DSC1: variants seen among roughly 807,000 people sequenced by gnomAD.
DSC1 encodes the protein desmocollin-1.
DSC1 carries 79 observed loss-of-function variants against 98.8 expected under a neutral mutation model. The observed-to-expected ratio is 0.80, with a 90% confidence interval of 0.67 to 0.96. DSC1 has a LOEUF of 0.96. Among genes scored for constraint, DSC1 ranks in the 50% least tolerant of loss-of-function variants. The pLI is 0.00. For synonymous variants in DSC1, 405 were observed against 372.1 expected (o/e 1.09, Z -1.02); for missense variants, 1,115 against 1,075.9 (o/e 1.04, Z -0.51).
chr18:31,130,847 A>ATG (rs770236619), intron 15 of DSC1, 136 bp from the exon 16 acceptor site: 1 of 1,607,822 alleles, frequency 6.2e-7, no homozygotes, highest in Non-Finnish European at 8.5e-7. Flanking sequence ...TCCTATATAT[A>ATG]AAAAATGCAC....
intron 3 of DSC1, 56 bp downstream of exon 3, chr18:31,157,315 G>A (rs1006077909): frequency 8.4e-6 from 13 of 1,541,856 alleles, no homozygotes; most frequent in Non-Finnish European, 1.2e-5. Context: ...CATGAAACAC[G>A]AAGGACTCCC....
chr18:31,134,897 C>T (rs879817740), intron 11 of DSC1, 113 bp from the exon 12 acceptor site: 59 of 944,274 alleles, frequency 6.2e-5, no homozygotes, highest in African/African-American at 2.0e-4. Context: ...AGCTTGAGTT[C>T]GCATACATGC....
At chr18:31,139,618 A>G in intron 11 of DSC1, 130 bp downstream of exon 11, 4 of 990,564 alleles carry the variant, frequency 4.0e-6, no homozygotes, top group Non-Finnish European at 5.6e-6. Flanking sequence ...GTGATATCCA[A>G]TAACATGAAC....
At chr18:31,138,804 C>T (rs1192588221) in intron 11 of DSC1, among the ~76,000 whole-genome samples, 1 of 151,522 alleles carries the variant, frequency 6.6e-6, no homozygotes, top group Non-Finnish European at 1.5e-5. Flanking sequence ...GAACATCCAG[C>T]ATATGCATGT....
At chr18:31,138,168 A>G (rs1988652613) in intron 11 of DSC1, among the ~76,000 whole-genome samples, 1 of 152,124 alleles carries the variant, frequency 6.6e-6, no homozygotes, top group Non-Finnish European at 1.5e-5. Context: ...TCTACACTAC[A>G]TTCACTGTGC....
At chr18:31,138,784 A>C (rs1988667152) in intron 11 of DSC1, among the ~76,000 whole-genome samples, 1 of 151,870 alleles carries the variant, frequency 6.6e-6, no homozygotes, top group African/African-American at 2.4e-5. Flanking sequence ...TGTATCAGCT[A>C]GTTTGTTTTG....
chr18:31,147,155 T>A (rs1199026343), intron 6 of DSC1, among the ~76,000 whole-genome samples: 1 of 151,760 alleles, frequency 6.6e-6, no homozygotes, highest in Non-Finnish European at 1.5e-5. Flanking sequence ...TCAGTTTAAT[T>A]TTTTTTTTCA....
At position 31,136,594 on chromosome 18, in the gene DSC1, A is replaced by G. The variant is rs956172684; in HGVS notation, c.1664-1810T>C. On this transcript the variant is annotated intron_variant, in intron 11 of 15. Transcript: ENST00000257198. Reference sequence around the variant, plus strand: ...GAAGGTCTTAGAACAGGGGTGTCCAATCTTTTGGCTTCCCTGGGCCACACT... The same window carrying G: ...GAAGGTCTTAGAACAGGGGTGTCCAGTCTTTTGGCTTCCCTGGGCCACACT... 1.6e-4 allele frequency among the ~76,000 whole-genome samples: 24 copies of G among 152,226 alleles called. 1 individual carries two copies. The highest frequency in any genetic ancestry group is 6.5e-4 in the Admixed American group (10 of 15,270).
Position 31,140,301 on chromosome 18 carries a change from G to T in DSC1, c.1261C>A (p.Pro421Thr), listed in dbSNP as rs1988707103. Residue 421 changes from proline (P) to threonine (T), a missense_variant and splice_region_variant, in exon 10 of 16, where the codon CCA becomes ACA. By Grantham distance (38) the Pro-to-Thr change is conservative (BLOSUM62 -1). Transcript: ENST00000257198. ...TNEGVLCVVKPLNYEVNRQVI... is the reference protein window; with the variant it reads ...TNEGVLCVVKTLNYEVNRQVI... Reference sequence around the variant, plus strand: ...TGGCGATTGACTTCATAGTTCAATGGCTGTTAAATAAGCATACTTTAATAA... The same window carrying T: ...TGGCGATTGACTTCATAGTTCAATGTCTGTTAAATAAGCATACTTTAATAA... 2 of 1,613,472 alleles carry T rather than the reference G, an allele frequency of 1.2e-6. No homozygotes were observed. Among genetic ancestry groups the T allele is most frequent in the African/African-American group, 1.3e-5 (1 of 74,908 alleles).
At chr18:31,160,597 A>G (rs1447825494) in intron 1 of DSC1, among the ~76,000 whole-genome samples, 1 of 152,222 alleles carries the variant, frequency 6.6e-6, no homozygotes, top group Non-Finnish European at 1.5e-5. Context: ...TCTGGAATTA[A>G]AAGGCCACAT....
chr18:31,140,441 C>T, intron 9 of DSC1, 140 bp from the exon 10 acceptor site: 3 of 841,312 alleles, frequency 3.6e-6, no homozygotes, highest in Non-Finnish European at 5.0e-6. Context: ...TAAAGACCAA[C>T]AATTAGCTTC....
intron 9 of DSC1, among the ~76,000 whole-genome samples, chr18:31,141,620 G>A (rs1443660623): frequency 6.6e-6 from 1 of 152,126 alleles, no homozygotes. Context: ...CTATGAACAT[G>A]AAAGGAGTTG....
intron 2 of DSC1, among the ~76,000 whole-genome samples, chr18:31,158,858 C>T (rs190056513): frequency 1.1e-3 from 169 of 151,970 alleles, no homozygotes; most frequent in African/African-American, 3.8e-3. Context: ...AGAATATGCT[C>T]CTGGTTTTGG....
intron 5 of DSC1, among the ~76,000 whole-genome samples, chr18:31,150,449 C>T (rs1988976526): frequency 2.1e-5 from 3 of 139,814 alleles, no homozygotes; most frequent in African/African-American, 2.6e-5. Context: ...ACCACCACTA[C>T]CACCACCACC....
intron 15 of DSC1, 93 bp from the exon 16 acceptor site, chr18:31,130,804 T>C: frequency 6.2e-7 from 1 of 1,612,696 alleles, no homozygotes; most frequent in Non-Finnish European, 8.5e-7. Context: ...TTTTACTGTT[T>C]AATTTTTAAT....
chr18:31,130,508 G>A lies in DSC1; in HGVS notation c.*6C>T. ...TCTGTGGATATTACACTATTAAAAG[G>A]CACATTTATTTCTTGATGCATGTCT... On this transcript the variant is annotated 3_prime_UTR_variant, in exon 16 of 16. Coordinates refer to ENST00000257198, the MANE Select transcript of DSC1 (RefSeq NM_024421.2). The A allele has an allele frequency of 6.2e-7, 1 of 1,613,844 alleles. No individual in the cohort carries two copies. The highest frequency in any genetic ancestry group is 8.5e-7 in the Non-Finnish European group (1 of 1,179,858).
intron 7 of DSC1, 145 bp from the exon 8 acceptor site, chr18:31,143,936 G>T (rs1598620379): frequency 1.8e-6 from 1 of 571,088 alleles, no homozygotes. Flanking sequence ...ATTTGAGATG[G>T]GGTCTCACTG....
chr18:31,150,241 CACCACT>C (rs1988944040), intron 5 of DSC1, among the ~76,000 whole-genome samples: 1 of 140,298 alleles, frequency 7.1e-6, no homozygotes, highest in Non-Finnish European at 1.5e-5. Context: ...CCATCATCAC[CACCACT>C]ACCACCACCA....
chr18:31,143,569 T>A (rs1567999741), intron 8 of DSC1, 88 bp downstream of exon 8: 10 of 1,066,398 alleles, frequency 9.4e-6, no homozygotes, highest in Non-Finnish European at 1.3e-5. Context: ...ACTGTCAAAC[T>A]TTGTGATCTC....
Sources: allele counts gnomAD v4.1 joint callset (sites outside exome capture counted in the v4.1 genomes callset), GRCh38; gene constraint gnomAD v4.1.1; transcripts MANE v1.5; gene names NCBI Gene and HGNC (gene_info 2026-07-23, HGNC 2026-07-21).